The following DYNC1I1 variants were observed in gnomAD, a reference collection of about 807,000 sequenced individuals.
The protein encoded by DYNC1I1 is cytoplasmic dynein 1 intermediate chain 1.
Under a neutral mutation model 86.6 loss-of-function variants are expected in DYNC1I1, and 43 were observed. That is an observed-to-expected ratio of 0.50 (90% CI 0.39 to 0.64). The LOEUF is 0.64. Among genes scored for constraint, DYNC1I1 ranks in the 30% least tolerant of loss-of-function variants. The probability of loss-of-function intolerance (pLI) is 0.00; values close to 1 mark genes in which losing one functional copy is unlikely to be tolerated. For missense variants in DYNC1I1, 604 were observed against 788.8 expected (o/e 0.77, Z 2.81); for synonymous variants, 262 against 283.7 (o/e 0.92, Z 0.77).
chr7:95,945,517 T>G (rs1281720253), intron 6 of DYNC1I1, among the ~76,000 whole-genome samples: 1 of 152,180 alleles, frequency 6.6e-6, no homozygotes, highest in African/African-American at 2.4e-5. Flanking sequence ...CTCTCTCATA[T>G]AATAAATTAA....
intron 5 of DYNC1I1, among the ~76,000 whole-genome samples, chr7:95,859,058 T>C (rs914505604): frequency 1.4e-4 from 21 of 150,076 alleles, no homozygotes; most frequent in Non-Finnish European, 2.4e-4. Context: ...TGTCTTCAAG[T>C]TCATAAGTTC....
At chr7:96,057,171 C>A (rs1789601367) in intron 14 of DYNC1I1, among the ~76,000 whole-genome samples, 1 of 152,030 alleles carries the variant, frequency 6.6e-6, no homozygotes, top group African/African-American at 2.4e-5. Flanking sequence ...AATTTGAACC[C>A]CTTAAAGTTT....
intron 7 of DYNC1I1, among the ~76,000 whole-genome samples, chr7:95,981,012 T>A (rs1793445580): frequency 6.6e-6 from 1 of 152,188 alleles, no homozygotes; most frequent in African/African-American, 2.4e-5. Flanking sequence ...ACATGGGTTT[T>A]ATTTTTTATC....
chr7:95,917,381 C>A (rs1354510962), intron 6 of DYNC1I1, among the ~76,000 whole-genome samples: 3 of 152,150 alleles, frequency 2.0e-5, no homozygotes, highest in African/African-American at 7.2e-5. Context: ...TTGAGATGAA[C>A]TATTGACAGT....
At chr7:96,020,791 C>A (rs1794526922) in intron 10 of DYNC1I1, among the ~76,000 whole-genome samples, 1 of 152,056 alleles carries the variant, frequency 6.6e-6, no homozygotes, top group African/African-American at 2.4e-5. Context: ...TTTATGCATG[C>A]AATGGAATAT....
chr7:95,939,133 C>G (rs1252124427), intron 6 of DYNC1I1, among the ~76,000 whole-genome samples: 1 of 152,096 alleles, frequency 6.6e-6, no homozygotes, highest in African/African-American at 2.4e-5. Context: ...ATCCTGAGTT[C>G]TAGTTTGATT....
At chr7:95,975,111 T>C (rs1164962198) in intron 6 of DYNC1I1, among the ~76,000 whole-genome samples, 1 of 152,162 alleles carries the variant, frequency 6.6e-6, no homozygotes, top group African/African-American at 2.4e-5. Context: ...GGTACTAAGT[T>C]CTGATAAATA....
chr7:95,879,472 GA>G (rs1257010145), intron 6 of DYNC1I1, among the ~76,000 whole-genome samples: 1 of 152,088 alleles, frequency 6.6e-6, no homozygotes, highest in Non-Finnish European at 1.5e-5. Flanking sequence ...GTAGAGAAGT[GA>G]AGAAGAAGTA....
chr7:95,835,993 G>A (rs1789077108), intron 5 of DYNC1I1, among the ~76,000 whole-genome samples: 1 of 152,148 alleles, frequency 6.6e-6, no homozygotes, highest in South Asian at 2.1e-4. Flanking sequence ...ATATTCTTAT[G>A]TGTGAATTTG....
intron 6 of DYNC1I1, among the ~76,000 whole-genome samples, chr7:95,945,061 A>C (rs562793442): frequency 6.6e-6 from 1 of 151,778 alleles, no homozygotes; most frequent in Non-Finnish European, 1.5e-5. Context: ...AAAAATAAAA[A>C]AATAATAAAA....
intron 14 of DYNC1I1, among the ~76,000 whole-genome samples, chr7:96,061,730 A>ACACACG (rs1420363816): frequency 6.7e-6 from 1 of 148,876 alleles, no homozygotes; most frequent in Non-Finnish European, 1.5e-5. Context: ...ACACACACAC[A>ACACACG]CACACGCACA....
chr7:95,822,087 C>T (rs1352957848), intron 4 of DYNC1I1, among the ~76,000 whole-genome samples: 2 of 152,216 alleles, frequency 1.3e-5, no homozygotes, highest in African/African-American at 4.8e-5. Context: ...AAATTGACCA[C>T]TCATCAGAGT....
intron 14 of DYNC1I1, among the ~76,000 whole-genome samples, chr7:96,073,191 C>T (rs1165710607): frequency 1.3e-5 from 2 of 152,176 alleles, no homozygotes; most frequent in Non-Finnish European, 2.9e-5. Flanking sequence ...CACACACGTA[C>T]TGTAGCCTAG....
chr7:95,893,133 A>T (rs1008724506), intron 6 of DYNC1I1, among the ~76,000 whole-genome samples: 1 of 152,342 alleles, frequency 6.6e-6, no homozygotes, highest in African/African-American at 2.4e-5. Context: ...AAACACAAGC[A>T]TGTTTTGGAG....
intron 10 of DYNC1I1, among the ~76,000 whole-genome samples, chr7:96,000,832 T>C (rs577104674): frequency 6.6e-6 from 1 of 152,284 alleles, no homozygotes; most frequent in Non-Finnish European, 1.5e-5. Context: ...AGCAAAGAGA[T>C]TGTATTGTAG....
intron 14 of DYNC1I1, among the ~76,000 whole-genome samples, chr7:96,072,189 A>G (rs151119844): frequency 6.6e-6 from 1 of 152,332 alleles, no homozygotes; most frequent in African/African-American, 2.4e-5. Flanking sequence ...CTGGGAGGTG[A>G]CCGGTAGCCC....
intron 9 of DYNC1I1, among the ~76,000 whole-genome samples, chr7:95,995,070 AC>A (rs569290755): frequency 2.7e-4 from 41 of 151,544 alleles, no homozygotes; most frequent in Non-Finnish European, 4.9e-4. Context: ...ACACGGTGAA[AC>A]CCCGTCTCTA....
At chr7:95,833,945 A>G (rs1269655659) in intron 5 of DYNC1I1, among the ~76,000 whole-genome samples, 6 of 141,890 alleles carry the variant, frequency 4.2e-5, no homozygotes, top group Non-Finnish European at 7.6e-5. Context: ...CTCTTTTCCT[A>G]ATTGAATACC....
chr7:95,917,228 G>T (rs1014355633), intron 6 of DYNC1I1, among the ~76,000 whole-genome samples: 2 of 152,132 alleles, frequency 1.3e-5, no homozygotes, highest in African/African-American at 4.8e-5. Flanking sequence ...GACTGGGGAC[G>T]GGGTGTCCGT....
Sources: gnomAD v4.1 joint callset for allele counts (sites outside exome capture counted in the v4.1 genomes callset) on GRCh38, gnomAD v4.1.1 for gene constraint, MANE v1.5 for transcripts, NCBI Gene and HGNC (gene_info 2026-07-23, HGNC 2026-07-21) for gene names.